The following ST3GAL3 variants were observed in gnomAD, a reference collection of about 807,000 sequenced individuals.
The protein encoded by ST3GAL3 is CMP-N-acetylneuraminate-beta-1,4-galactoside alpha-2,3-sialyltransferase.
ST3GAL3 carries 21 observed loss-of-function variants against 50.1 expected under a neutral mutation model. The observed-to-expected ratio is 0.42, with a 90% CI of 0.30 to 0.60. The LOEUF (loss-of-function observed/expected upper bound fraction) is 0.60, where lower values mean the gene tolerates loss of function less well. Among genes scored for constraint, ST3GAL3 ranks in the 20% least tolerant of loss-of-function variants. The pLI is 0.19. For synonymous variants in ST3GAL3, 183 were observed against 190.0 expected, an observed-to-expected ratio of 0.96 and a Z score of 0.30; for missense variants, 353 against 489.4, an observed-to-expected ratio of 0.72 and a Z score of 2.63.
chr1:43,901,121 CAGAT>C (rs1429671938), intron 9 of ST3GAL3, among the ~76,000 whole-genome samples: 1 of 152,250 alleles, frequency 6.6e-6, no homozygotes, highest in African/African-American at 2.4e-5. Flanking sequence ...ATTAGGGTCA[CAGAT>C]AGACACTTTT....
intron 2 of ST3GAL3, among the ~76,000 whole-genome samples, chr1:43,768,366 AG>A (rs1274737623): frequency 6.6e-6 from 1 of 152,202 alleles, no homozygotes; most frequent in Non-Finnish European, 1.5e-5. Flanking sequence ...ACTTGAGCCC[AG>A]GTGTTCAAGG....
intron 5 of ST3GAL3, chr1:43,850,479 T>C (rs2067078474): frequency 1.6e-6 from 1 of 610,818 alleles, no homozygotes; most frequent in African/African-American, 1.8e-5. Context: ...GTGGATAAAG[T>C]GGGCTACCTT....
At chr1:43,903,817 C>G (rs542753814) in intron 9 of ST3GAL3, among the ~76,000 whole-genome samples, 1 of 152,304 alleles carries the variant, frequency 6.6e-6, no homozygotes, top group Non-Finnish European at 1.5e-5. Flanking sequence ...AGTTTAGACT[C>G]TCACTTATTA....
intron 5 of ST3GAL3, among the ~76,000 whole-genome samples, chr1:43,862,279 C>A (rs2070183444): frequency 6.6e-6 from 1 of 152,220 alleles, no homozygotes; most frequent in Non-Finnish European, 1.5e-5. Context: ...CTCTGTGAAG[C>A]TTTTCCTGCC....
chr1:43,895,398 C>T (rs1160340982), intron 6 of ST3GAL3, among the ~76,000 whole-genome samples: 1 of 152,164 alleles, frequency 6.6e-6, no homozygotes, highest in Admixed American at 6.5e-5. Context: ...AAGTTCTGTG[C>T]TATTTCATGG....
At chr1:43,860,955 C>T (rs1373136817) in intron 5 of ST3GAL3, among the ~76,000 whole-genome samples, 2 of 152,236 alleles carry the variant, frequency 1.3e-5, no homozygotes, top group African/African-American at 2.4e-5. Context: ...TGCGGTGAGG[C>T]TGGTCGGAGG....
intron 2 of ST3GAL3, chr1:43,736,612 G>C (rs1678576845): frequency 7.2e-6 from 5 of 692,278 alleles, no homozygotes; most frequent in Middle Eastern, 4.0e-4. Flanking sequence ...TACAAACTTG[G>C]TGAGAATGTG....
rs2154301191 is a variant in ST3GAL3, at chr1:43,930,512, A to G, written c.*291A>G. The G allele has an allele frequency of 1.9e-6, 1 of 537,334 alleles. No individual in the cohort carries two copies. Among genetic ancestry groups the G allele is most frequent in the Non-Finnish European group, 3.4e-6 (1 of 297,132 alleles). The allele number at this position is 537,334 out of a possible 1,614,324, so 33.3% of individuals were successfully genotyped here. On this transcript the variant is annotated 3_prime_UTR_variant, in exon 12 of 12. Coordinates refer to ENST00000347631, the MANE Select transcript of ST3GAL3 (RefSeq NM_006279.5). ...ACTGGGCAGCAAGGCTGCTGCCGGA[A>G]TCACTTCTCCAATCAGTGTTTGGTG...
At chr1:43,863,752 T>A (rs2070628051) in intron 5 of ST3GAL3, among the ~76,000 whole-genome samples, 1 of 152,048 alleles carries the variant, frequency 6.6e-6, no homozygotes, top group Non-Finnish European at 1.5e-5. Context: ...GTCCTCAGCG[T>A]GTGGGAGAAG....
At chr1:43,905,992 G>A (rs1228544507) in intron 9 of ST3GAL3, among the ~76,000 whole-genome samples, 12 of 41,718 alleles carry the variant, frequency 2.9e-4, no homozygotes, top group South Asian at 1.3e-3. Context: ...TCCCCTTCCC[G>A]CCACTCTTCC....
intron 1 of ST3GAL3, among the ~76,000 whole-genome samples, chr1:43,712,383 G>A (rs1265715138): frequency 6.6e-6 from 1 of 152,132 alleles, no homozygotes; most frequent in Non-Finnish European, 1.5e-5. Flanking sequence ...TATTTTATGT[G>A]AGTGTATACA....
At chr1:43,858,810 A>G (rs957889381) in intron 5 of ST3GAL3, among the ~76,000 whole-genome samples, 2 of 152,194 alleles carry the variant, frequency 1.3e-5, no homozygotes, top group Admixed American at 6.5e-5. Context: ...GGTCTCCCCA[A>G]ATAAATAGCC....
At chr1:43,744,592 G>C (rs1290990081) in intron 2 of ST3GAL3, among the ~76,000 whole-genome samples, 1 of 151,476 alleles carries the variant, frequency 6.6e-6, no homozygotes, top group Admixed American at 6.6e-5. Context: ...CAGTGAGCTT[G>C]CAGTGAGCCA....
chr1:43,849,542 G>A (rs909852896), intron 5 of ST3GAL3, among the ~76,000 whole-genome samples: 4 of 152,130 alleles, frequency 2.6e-5, no homozygotes, highest in Non-Finnish European at 4.4e-5. Context: ...AAAAATGGTC[G>A]TATATGTTTT....
intron 5 of ST3GAL3, among the ~76,000 whole-genome samples, chr1:43,848,253 G>A (rs983026716): frequency 2.1e-5 from 3 of 140,756 alleles, no homozygotes; most frequent in African/African-American, 8.0e-5. Context: ...TTTACCAGTG[G>A]TTTCCAGCAA....
rs758602696 is a variant in ST3GAL3, at chr1:43,736,223, T to C, written c.-30-10T>C. ...TTTGTCTTTTAAGAACTAAACTTTTTCTTTTCTAGGTCATTTAGGAAATCG... is the reference window on the plus strand; with the variant it reads ...TTTGTCTTTTAAGAACTAAACTTTTCCTTTTCTAGGTCATTTAGGAAATCG... On this transcript the variant is annotated splice_polypyrimidine_tract_variant and intron_variant, in intron 1 of 11. Coordinates refer to ENST00000347631, the MANE Select transcript of ST3GAL3 (RefSeq NM_006279.5). 1.9e-6 allele frequency: 3 copies of C among 1,613,470 alleles called. No individual in the cohort carries two copies. The highest frequency in any genetic ancestry group is 1.1e-5 in the South Asian group (1 of 91,066).
intron 1 of ST3GAL3, among the ~76,000 whole-genome samples, chr1:43,713,682 G>A (rs1171817967): frequency 1.3e-5 from 2 of 151,722 alleles, no homozygotes; most frequent in East Asian, 1.9e-4. Flanking sequence ...AGGCACTCAC[G>A]CACCACCACG....
At chr1:43,916,276 A>G (rs1031875568) in intron 9 of ST3GAL3, among the ~76,000 whole-genome samples, 3 of 152,260 alleles carry the variant, frequency 2.0e-5, no homozygotes, top group African/African-American at 7.2e-5. Context: ...ATGGCCAGTC[A>G]TTAGAATAGT....
intron 2 of ST3GAL3, among the ~76,000 whole-genome samples, chr1:43,750,782 C>T (rs1413214111): frequency 2.0e-5 from 3 of 151,576 alleles, no homozygotes; most frequent in East Asian, 1.9e-4. Flanking sequence ...CCTGTAGTCT[C>T]AGCTACTTAG....
Sources: allele counts gnomAD v4.1 joint callset (sites outside exome capture counted in the v4.1 genomes callset), GRCh38; gene constraint gnomAD v4.1.1; transcripts MANE v1.5; gene names NCBI Gene and HGNC (gene_info 2026-07-23, HGNC 2026-07-21).